Variants in SV2B observed in about 807,000 individuals in gnomAD.
SV2B encodes solute carrier family 22 member B2.
In SV2B, 41 loss-of-function variants were observed where a neutral mutation model predicts 73.9. The observed-to-expected ratio is 0.56, with a 90% CI of 0.43 to 0.72. The LOEUF (loss-of-function observed/expected upper bound fraction) is 0.72, where lower values mean the gene tolerates loss of function less well. Among genes scored for constraint, SV2B ranks in the 30% least tolerant of loss-of-function variants. The probability of loss-of-function intolerance (pLI) is 0.00; values close to 1 mark genes in which losing one functional copy is unlikely to be tolerated. For missense variants in SV2B, 764 were observed against 857.8 expected (o/e 0.89, Z 1.37); for synonymous variants, 314 against 314.2 (o/e 1.00, Z 0.01).
rs745941772 is a variant in SV2B, at chr15:91,284,239, T to A, written c.1708+18T>A. ...GATGATTGGTGAGTTGCCAGCAGGG[T>A]CATTCCTGGGTTCCAACGCGCTGGG... On this transcript the variant is annotated intron_variant, in intron 11 of 12. Transcript: ENST00000394232. The surrounding 1 kb of genome is among the most constrained non-coding windows in gnomAD (Gnocchi z 4.5). 4 of 1,613,824 alleles carry A rather than the reference T, an allele frequency of 2.5e-6. No homozygotes were observed. In the South Asian group the frequency reaches 4.4e-5, roughly 18 times the overall value.
chr15:91,274,378 A>G (rs1325997008), intron 9 of SV2B, among the ~76,000 whole-genome samples: 1 of 152,212 alleles, frequency 6.6e-6, no homozygotes. Context: ...AGGAAACTAT[A>G]TAAGATAGGG....
intron 1 of SV2B, among the ~76,000 whole-genome samples, chr15:91,168,330 G>GAGAGAGAGAA (rs767873327): frequency 6.6e-6 from 1 of 151,198 alleles, no homozygotes; most frequent in Non-Finnish European, 1.5e-5. Context: ...GAGAGAGAGA[G>GAGAGAGAGAA]AAAAGAAATT....
chr15:91,284,360 A>G lies in SV2B; in HGVS notation c.1708+139A>G. The G allele has an allele frequency of 2.1e-6, 2 of 941,910 alleles. No individual in the cohort carries two copies. Among genetic ancestry groups the G allele is most frequent in the South Asian group, 1.7e-5 (1 of 60,010 alleles). The allele number at this position is 941,910 out of a possible 1,614,324, so 58.3% of individuals were successfully genotyped here. On this transcript the variant is annotated intron_variant, in intron 11 of 12. Coordinates refer to ENST00000394232, the MANE Select transcript of SV2B (RefSeq NM_001323032.3). The surrounding 1 kb of genome is among the most constrained non-coding windows in gnomAD (Gnocchi z 4.5). ...AACAAGTAAGATTGCACCCAGGGCT[A>G]TAGAGCCAAGGATGTGTGCCTACAG...
At chr15:91,228,470 T>G (rs1004958920) in intron 2 of SV2B, among the ~76,000 whole-genome samples, 1 of 152,172 alleles carries the variant, frequency 6.6e-6, no homozygotes, top group Non-Finnish European at 1.5e-5. Context: ...TGTAAACATT[T>G]CTGAGACATT....
chr15:91,284,256 C>A lies in SV2B; in HGVS notation c.1708+35C>A, dbSNP rs373867341. The A allele has an allele frequency of 1.2e-6, 2 of 1,607,864 alleles. No homozygotes were observed. The highest frequency in any genetic ancestry group is 1.1e-5 in the South Asian group (1 of 90,632). On this transcript the variant is annotated intron_variant, in intron 11 of 12. Transcript: ENST00000394232. The surrounding 1 kb of genome is among the most constrained non-coding windows in gnomAD (Gnocchi z 4.5). Reference sequence around the variant, plus strand: ...CAGCAGGGTCATTCCTGGGTTCCAACGCGCTGGGGTGGTGACTTTCAAGTG... The same window carrying A: ...CAGCAGGGTCATTCCTGGGTTCCAAAGCGCTGGGGTGGTGACTTTCAAGTG...
intron 2 of SV2B, among the ~76,000 whole-genome samples, chr15:91,246,697 A>G (rs1329053813): frequency 6.7e-6 from 1 of 148,690 alleles, no homozygotes; most frequent in Admixed American, 6.6e-5. Context: ...ACTCCACCAC[A>G]TCGCTCCTCC....
intron 6 of SV2B, among the ~76,000 whole-genome samples, chr15:91,264,281 A>C (rs1197646925): frequency 6.6e-6 from 1 of 152,258 alleles, no homozygotes; most frequent in East Asian, 1.9e-4. Flanking sequence ...GATGCATTCT[A>C]CTGTGTGAAG....
At chr15:91,287,727 G>T (rs2048908359) in intron 11 of SV2B, among the ~76,000 whole-genome samples, 1 of 152,216 alleles carries the variant, frequency 6.6e-6, no homozygotes, top group Non-Finnish European at 1.5e-5. Flanking sequence ...GGGGAAAAGG[G>T]ATTCACCCCA....
Position 91,267,555 on chromosome 15 carries a change from G to A in SV2B, c.1120G>A (p.Val374Ile). 6.2e-7 allele frequency: 1 copy of A among 1,612,906 alleles called. No homozygotes were observed. Among genetic ancestry groups the A allele is most frequent in the Non-Finnish European group, 8.5e-7 (1 of 1,179,346 alleles). Residue 374 changes from valine to isoleucine, a missense_variant and splice_region_variant, in exon 8 of 13, where the codon GTC becomes ATC. By Grantham distance (29) the Val-to-Ile change is conservative. Transcript: ENST00000394232. The surrounding 1 kb of genome is among the most constrained non-coding windows in gnomAD (Gnocchi z 4.3). ...AATCCTTCTCTGGTATGGGTTGTAG[G>A]TCTGGGATAATGCCCTGTACTGTGT... ...LVRFKTIFKQ[V>I]WDNALYCVMG...
Position 91,124,190 on chromosome 15 carries a change from T to A in SV2B, c.-392+23827T>A, listed in dbSNP as rs1194394629. On this transcript the variant is annotated intron_variant, in intron 1 of 12. Transcript: ENST00000394232. This position sits in a 1 kb window ranked among gnomAD's most constrained non-coding sequence, Gnocchi z 4.6. ...TTAAATTATCAAAATTCTATAAGGA[T>A]TTAAATGAATGTTCCAGCCTCAGGG... Among the ~76,000 whole-genome samples the A allele has an allele frequency of 6.6e-6, 1 of 152,214 alleles. No homozygotes were observed. Among genetic ancestry groups the A allele is most frequent in the African/African-American group, 2.4e-5 (1 of 41,452 alleles).
At chr15:91,251,293 T>C (rs1162083423) in intron 2 of SV2B, among the ~76,000 whole-genome samples, 2 of 152,214 alleles carry the variant, frequency 1.3e-5, no homozygotes, top group African/African-American at 2.4e-5. Context: ...CATATACAAA[T>C]ATACTACATT....
At chr15:91,153,187 C>T (rs892715183) in intron 1 of SV2B, among the ~76,000 whole-genome samples, 2 of 152,186 alleles carry the variant, frequency 1.3e-5, no homozygotes, top group African/African-American at 2.4e-5. Flanking sequence ...AGGTGGAGCC[C>T]TCGTGACTTA....
rs1249551686 is a variant in SV2B, at chr15:91,100,552, G to A, written c.-392+189G>A. Among the ~76,000 whole-genome samples, 1 of 152,240 alleles carries A rather than the reference G, an allele frequency of 6.6e-6. No individual in the cohort carries two copies. Among genetic ancestry groups the A allele is most frequent in the Non-Finnish European group, 1.5e-5 (1 of 68,034 alleles). On this transcript the variant is annotated intron_variant, in intron 1 of 12. Coordinates refer to ENST00000394232, the MANE Select transcript of SV2B (RefSeq NM_001323032.3). This position sits in a 1 kb window ranked among gnomAD's most constrained non-coding sequence, Gnocchi z 6.4. ...AACCGGCGCAGAAAAGCAAGGACTTGCCCGCTGCCTGGAGCTGTGCGCTTC... is the reference window on the plus strand; with the variant it reads ...AACCGGCGCAGAAAAGCAAGGACTTACCCGCTGCCTGGAGCTGTGCGCTTC...
intron 1 of SV2B, among the ~76,000 whole-genome samples, chr15:91,127,896 T>G (rs1322293745): frequency 6.6e-6 from 1 of 152,228 alleles, no homozygotes; most frequent in Non-Finnish European, 1.5e-5. Context: ...TTTGAGCTTT[T>G]CTTTTCTTTT....
At position 91,223,621 on chromosome 15, in the gene SV2B, A is replaced by G. The variant is rs2046285035; in HGVS notation, c.-391-2252A>G. Among the ~76,000 whole-genome samples, 2 of 152,326 alleles carry G rather than the reference A, an allele frequency of 1.3e-5. No individual in the cohort carries two copies. Among genetic ancestry groups the G allele is most frequent in the African/African-American group, 2.4e-5 (1 of 41,572 alleles). On this transcript the variant is annotated intron_variant, in intron 1 of 12. Coordinates refer to ENST00000394232, the MANE Select transcript of SV2B (RefSeq NM_001323032.3). This position sits in a 1 kb window ranked among gnomAD's most constrained non-coding sequence, Gnocchi z 4.6. ...ATCTCAGTCAGGTGGCGTTCTTTCC[A>G]TGTTTTTATAGCGCTCTGCAAACTC...
chr15:91,183,966 C>CAAAA (rs3082124), intron 1 of SV2B, among the ~76,000 whole-genome samples: 1 of 151,240 alleles, frequency 6.6e-6, no homozygotes, highest in African/African-American at 2.4e-5. Context: ...CGCCTGGGGA[C>CAAAA]AAAAAAAACT....
chr15:91,181,900 T>C (rs1489724737), intron 1 of SV2B, among the ~76,000 whole-genome samples: 1 of 152,056 alleles, frequency 6.6e-6, no homozygotes, highest in Non-Finnish European at 1.5e-5. Context: ...CTATGTGCAG[T>C]ATATATCTAG....
At position 91,158,702 on chromosome 15, in the gene SV2B, TCCTCTCC is replaced by T. The variant is rs2043593116; in HGVS notation, c.-392+58340_-392+58346del. 6.4e-4 allele frequency among the ~76,000 whole-genome samples: 38 copies of T among 59,584 alleles called. 1 individual carries two copies. Among genetic ancestry groups the T allele is most frequent in the African/African-American group, 1.6e-3 (30 of 18,924 alleles). The allele number at this position is 59,584 out of a possible 152,430, so 39.1% of individuals were successfully genotyped here. Reference sequence around the variant, plus strand: ...TTCTCTTCTCTTCTCTTCTCTTCTCTCCTCTCCTCTCCTCTCCTCTCCTCTCTTCTCC... The same window carrying T: ...TTCTCTTCTCTTCTCTTCTCTTCTCTTCTCCTCTCCTCTCCTCTCTTCTCC... On this transcript the variant is annotated intron_variant, in intron 1 of 12. Transcript: ENST00000394232.
At chr15:91,173,374 G>A (rs185375670) in intron 1 of SV2B, among the ~76,000 whole-genome samples, 9 of 152,280 alleles carry the variant, frequency 5.9e-5, no homozygotes, top group Non-Finnish European at 1.2e-4. Flanking sequence ...TTCTTGCTGC[G>A]TTGGAAGCCA....
Sources: gnomAD v4.1 joint callset for allele counts (sites outside exome capture counted in the v4.1 genomes callset) on GRCh38, gnomAD v4.1.1 for gene constraint, Gnocchi (gnomAD v3.1) non-coding constraint, MANE v1.5 for transcripts, NCBI Gene and HGNC (gene_info 2026-07-23, HGNC 2026-07-21) for gene names.